Variants in RASSF8 observed in about 807,000 individuals in gnomAD.
RASSF8 encodes Ras association domain family member 8.
Under a neutral mutation model 48.5 loss-of-function variants are expected in RASSF8, and 22 were observed. The ratio of observed to expected loss-of-function variants is 0.45; its 90% CI spans 0.32 to 0.65. RASSF8 has a LOEUF of 0.65. RASSF8 is among the 30% of genes least tolerant of loss of function. The pLI is 0.03. For synonymous variants in RASSF8, 127 were observed against 171.5 expected, an observed-to-expected ratio of 0.74 and a Z score of 2.03; for missense variants, 418 against 489.2, an observed-to-expected ratio of 0.85 and a Z score of 1.37.
intron 2 of RASSF8, among the ~76,000 whole-genome samples, chr12:25,997,554 C>T (rs11832469): frequency 0.053 from 8,009 of 152,080 alleles, 275 homozygotes; most frequent in Middle Eastern, 0.1. Flanking sequence ...CCTGTTTTTA[C>T]GGGTTTACAT....
chr12:25,959,958 A>T (rs1035695417), intron 1 of RASSF8, among the ~76,000 whole-genome samples: 2 of 152,114 alleles, frequency 1.3e-5, no homozygotes, highest in Non-Finnish European at 2.9e-5. Flanking sequence ...ATCTTTAGGG[A>T]TTTAGAAGCG....
intron 2 of RASSF8, among the ~76,000 whole-genome samples, chr12:26,010,741 C>G (rs1942503255): frequency 6.6e-6 from 1 of 152,020 alleles, no homozygotes; most frequent in Admixed American, 6.6e-5. Context: ...CTGAACAATT[C>G]TATTGTTGGT....
At chr12:26,051,802 C>T (rs1246766716) in intron 2 of RASSF8, among the ~76,000 whole-genome samples, 2 of 152,150 alleles carry the variant, frequency 1.3e-5, no homozygotes, top group Admixed American at 6.5e-5. Flanking sequence ...CAACTGAGTG[C>T]TTACTGATTC....
Position 26,068,826 on chromosome 12 carries a change from T to A in RASSF8, c.*8T>A. On this transcript the variant is annotated 3_prime_UTR_variant, in exon 6 of 6. Transcript: ENST00000689635. ...GAAGGCATATATGTATGACATTATC[T>A]GTCTTTAGGGAGGAGACCCAACAGA... is the stretch of plus-strand genomic sequence containing the variant. 1 of 1,536,732 alleles carries A rather than the reference T, an allele frequency of 6.5e-7. No individual in the cohort carries two copies.
Position 26,072,102 on chromosome 12 carries a change from A to G in RASSF8, c.*3284A>G, listed in dbSNP as rs911092055. 4.1e-6 allele frequency: 4 copies of G among 985,200 alleles called. No homozygotes were observed. In the African/African-American group the frequency reaches 5.2e-5, roughly 13 times the overall value. 61.0% of individuals were successfully genotyped at this position (985,200 alleles called of 1,614,324 possible). ...GTGCTTGGGCAGATGGACAGTTCCC[A>G]TTGTGCATTGCCTTTGATAAATTTG... On this transcript the variant is annotated 3_prime_UTR_variant, in exon 6 of 6. Transcript: ENST00000689635.
intron 2 of RASSF8, among the ~76,000 whole-genome samples, chr12:26,030,640 T>C (rs1337632453): frequency 1.3e-5 from 2 of 152,028 alleles, no homozygotes; most frequent in Non-Finnish European, 2.9e-5. Context: ...AAGTGAATAA[T>C]ATTTAACTTC....
chr12:25,972,445 C>T (rs1941505660), intron 1 of RASSF8, among the ~76,000 whole-genome samples: 1 of 151,962 alleles, frequency 6.6e-6, no homozygotes, highest in Non-Finnish European at 1.5e-5. Flanking sequence ...GGCATTTACT[C>T]CAGCAGTATT....
At chr12:25,993,277 C>T (rs567256037) in intron 1 of RASSF8, among the ~76,000 whole-genome samples, 1 of 152,254 alleles carries the variant, frequency 6.6e-6, no homozygotes, top group Non-Finnish European at 1.5e-5. Flanking sequence ...AGAATAAGCA[C>T]CATAATCTTT....
chr12:26,001,747 C>A (rs1207552157), intron 2 of RASSF8, among the ~76,000 whole-genome samples: 4 of 151,692 alleles, frequency 2.6e-5, no homozygotes, highest in Non-Finnish European at 4.4e-5. Context: ...TGCTGGAATA[C>A]CTCCTGAAGG....
In RASSF8 at chr12:26,070,299, T is replaced by C. The variant is rs1339906055; in HGVS notation, c.*1481T>C. On this transcript the variant is annotated 3_prime_UTR_variant, in exon 6 of 6. Transcript: ENST00000689635. ...GGATGTTTTAACACATTTGACTGAC[T>C]TTGGTTTAGTGAATGCTGACAATGC... 9 of 985,280 alleles carry C rather than the reference T, an allele frequency of 9.1e-6. No homozygotes were observed. The highest frequency in any genetic ancestry group is 1.7e-5 in the African/African-American group (1 of 57,232). The allele number at this position is 985,280 out of a possible 1,614,324, so 61.0% of individuals were successfully genotyped here. A position where few individuals can be genotyped will look rare whatever the true frequency, so the allele number is the denominator to read the frequency against.
chr12:26,068,834 G>A lies in RASSF8; in HGVS notation c.*16G>A. The stretch of plus-strand genomic sequence containing the variant: ...ATATGTATGACATTATCTGTCTTTA[G>A]GGAGGAGACCCAACAGAGGTACCAA... On this transcript the variant is annotated 3_prime_UTR_variant, in exon 6 of 6. Transcript: ENST00000689635. 2 of 1,536,298 alleles carry A rather than the reference G, an allele frequency of 1.3e-6. No homozygotes were observed. The highest frequency in any genetic ancestry group is 1.7e-6 in the Non-Finnish European group (2 of 1,146,416).
chr12:26,043,033 T>C lies in RASSF8; in HGVS notation c.-108-12203T>C, dbSNP rs574190362. On this transcript the variant is annotated intron_variant, in intron 2 of 5. Coordinates refer to ENST00000689635, the MANE Select transcript of RASSF8 (RefSeq NM_001394098.1). ...ATAAACTCTGTTTGTTTCCGTCCTG[T>C]ACAATTAGTGCCTATATTATTCGAC... Among the ~76,000 whole-genome samples, 12 of 152,294 alleles carry C rather than the reference T, an allele frequency of 7.9e-5. No homozygotes were observed. The South Asian group carries it at 1.7e-3, about 21-fold the overall frequency.
At chr12:26,079,142 C>T in exon 6 of RASSF8, 1 of 1,085,044 alleles carries the variant, frequency 9.2e-7, no homozygotes, top group Middle Eastern at 2.9e-4. Context: ...ACCCAAAACT[C>T]CTGCACAACA....
At chr12:26,068,574 G>A (rs1943933066) in intron 5 of RASSF8, 123 bp from the exon 6 acceptor site, 2 of 739,602 alleles carry the variant, frequency 2.7e-6, no homozygotes, top group South Asian at 3.6e-5. Context: ...GGGCACACAG[G>A]GGATTGCAAT....
chr12:26,023,956 C>T (rs977336966), intron 2 of RASSF8, among the ~76,000 whole-genome samples: 1 of 152,146 alleles, frequency 6.6e-6, no homozygotes, highest in African/African-American at 2.4e-5. Context: ...ATAAGATTAA[C>T]ATAGCAAATT....
intron 5 of RASSF8, among the ~76,000 whole-genome samples, chr12:26,078,511 T>C (rs186183070): frequency 8.3e-4 from 126 of 152,346 alleles, no homozygotes; most frequent in Non-Finnish European, 1.5e-3. Flanking sequence ...ATAGGCCTTT[T>C]CCTGGCTGTG....
chr12:26,035,443 TATAAG>T (rs1308305264), intron 2 of RASSF8, among the ~76,000 whole-genome samples: 1 of 123,192 alleles, frequency 8.1e-6, no homozygotes, highest in African/African-American at 3.0e-5. Flanking sequence ...AATTATATAA[TATAAG>T]TATATGAAAT....
Position 26,069,062 on chromosome 12 carries a change from TTTTA to T in RASSF8, c.*248_*251del. ...AGCAGCTATAATGCAAAGCCTTCGTTTTTATTTGTAGCATTTTGAGAGCTTTAGG... is the reference window on the plus strand; with the variant it reads ...AGCAGCTATAATGCAAAGCCTTCGTTTTTGTAGCATTTTGAGAGCTTTAGG... On this transcript the variant is annotated 3_prime_UTR_variant, in exon 6 of 6. Coordinates refer to ENST00000689635, the MANE Select transcript of RASSF8 (RefSeq NM_001394098.1). 7 of 1,165,570 alleles carry T rather than the reference TTTTA, an allele frequency of 6.0e-6. No individual in the cohort carries two copies. Among genetic ancestry groups the T allele is most frequent in the Non-Finnish European group, 6.4e-6 (6 of 941,358 alleles). The allele number at this position is 1,165,570 out of a possible 1,614,324, so 72.2% of individuals were successfully genotyped here.
intron 3 of RASSF8, among the ~76,000 whole-genome samples, chr12:26,059,924 G>A (rs1451695183): frequency 6.6e-6 from 1 of 152,094 alleles, no homozygotes; most frequent in Non-Finnish European, 1.5e-5. Flanking sequence ...TTGAGACGGA[G>A]TCTCACTCTG....
Sources: allele counts gnomAD v4.1 joint callset (sites outside exome capture counted in the v4.1 genomes callset), GRCh38; gene constraint gnomAD v4.1.1; transcripts MANE v1.5; gene names NCBI Gene and HGNC (gene_info 2026-07-23, HGNC 2026-07-21).